NBAS: variants seen among roughly 807,000 people sequenced by gnomAD.
The protein encoded by NBAS is NBAS subunit of NRZ tethering complex.
In NBAS, 219 loss-of-function variants were observed where a neutral mutation model predicts 302.5. The ratio of observed to expected loss-of-function variants is 0.72; its 90% CI spans 0.65 to 0.81. The LOEUF (loss-of-function observed/expected upper bound fraction) is 0.81, where lower values mean the gene tolerates loss of function less well. NBAS is among the 30% of genes least tolerant of loss of function. The pLI is 0.00. For missense variants in NBAS, 2,932 were observed against 2,841.6 expected (o/e 1.03, Z -0.72); for synonymous variants, 1,118 against 1,021.6 (o/e 1.09, Z -1.80).
At chr2:14,822,784 T>G in the NBAS span, among the ~76,000 whole-genome samples, 61 of 152,366 alleles carry the variant, frequency 4.0e-4, no homozygotes, top group African/African-American at 1.5e-3. Flanking sequence ...TTTGTTGTTG[T>G]TTGATATAAT....
the NBAS span, among the ~76,000 whole-genome samples, chr2:14,963,611 C>T: frequency 3.3e-5 from 5 of 152,184 alleles, no homozygotes; most frequent in African/African-American, 1.2e-4. Context: ...GATGCTCACA[C>T]GACCAGCACC....
intron 35 of NBAS, among the ~76,000 whole-genome samples, chr2:15,331,875 G>A (rs1420660518): frequency 6.6e-6 from 1 of 152,170 alleles, no homozygotes; most frequent in Non-Finnish European, 1.5e-5. Flanking sequence ...ACCTCGAAGT[G>A]AGGAGATTAT....
At chr2:15,064,214 G>GA in the NBAS span, among the ~76,000 whole-genome samples, 21 of 142,380 alleles carry the variant, frequency 1.5e-4, no homozygotes, top group African/African-American at 5.7e-4. Context: ...AAAAACAATA[G>GA]AAAAAATTAA....
At chr2:14,791,976 C>T in the NBAS span, among the ~76,000 whole-genome samples, 8 of 151,982 alleles carry the variant, frequency 5.3e-5, no homozygotes, top group African/African-American at 1.9e-4. Context: ...CTACAGAAAC[C>T]TAATTTAGAG....
intron 44 of NBAS, among the ~76,000 whole-genome samples, chr2:15,252,609 G>A (rs1668415930): frequency 6.6e-6 from 1 of 151,982 alleles, no homozygotes; most frequent in African/African-American, 2.4e-5. Flanking sequence ...GAAAAATCCA[G>A]GTGCTACCTA....
chr2:15,553,976 G>A (rs1428673851), intron 4 of NBAS, 85 bp downstream of exon 4: 1 of 1,172,918 alleles, frequency 8.5e-7, no homozygotes, highest in Non-Finnish European at 1.3e-6. Context: ...AAGACTGAAA[G>A]CCACAAGCAT....
chr2:15,559,104 G>C (rs1664790876), intron 1 of NBAS, among the ~76,000 whole-genome samples: 1 of 148,746 alleles, frequency 6.7e-6, no homozygotes, highest in Admixed American at 6.8e-5. Context: ...ACAGGACGCG[G>C]GACAATAGGA....
chr2:15,398,084 G>T (rs1189120281), intron 26 of NBAS, among the ~76,000 whole-genome samples: 2 of 151,180 alleles, frequency 1.3e-5, no homozygotes, highest in African/African-American at 2.5e-5. Flanking sequence ...AACATACTCA[G>T]TCAGCCGTGT....
At chr2:15,232,628 C>T in intron 46 of NBAS, 117 bp from the exon 47 acceptor site, 1 of 832,070 alleles carries the variant, frequency 1.2e-6, no homozygotes, top group South Asian at 1.5e-5. Context: ...ACTGCCTGCC[C>T]ATAGTCATTT....
At chr2:14,839,664 G>A in the NBAS span, among the ~76,000 whole-genome samples, 89 of 151,988 alleles carry the variant, frequency 5.9e-4, no homozygotes, top group Middle Eastern at 3.4e-3. Flanking sequence ...CAGGTGGCAC[G>A]TCAATTCATT....
At position 15,179,172 on chromosome 2, in the gene NBAS, C is replaced by A. The variant is rs148775196; in HGVS notation, c.6712-56G>T. The A allele has an allele frequency of 3.5e-4, 557 of 1,612,346 alleles. No homozygotes were observed. The African/African-American group carries it at 5.3e-3, about 15-fold the overall frequency. ...CTCCACGACGTACTTCTCACCGGCA[C>A]GGTTCTGGCTGGATCATTCCACCCC... On this transcript the variant is annotated intron_variant, in intron 50 of 51. Transcript: ENST00000281513.
chr2:15,406,288 A>G (rs1676411970), intron 25 of NBAS, among the ~76,000 whole-genome samples: 1 of 152,146 alleles, frequency 6.6e-6, no homozygotes, highest in Non-Finnish European at 1.5e-5. Flanking sequence ...AAATTTAGGT[A>G]TATGACAAAG....
chr2:15,053,257 C>T, the NBAS span, among the ~76,000 whole-genome samples: 1 of 152,160 alleles, frequency 6.6e-6, no homozygotes, highest in Non-Finnish European at 1.5e-5. Flanking sequence ...AACAAATGAT[C>T]TGATAAAATC....
intron 40 of NBAS, among the ~76,000 whole-genome samples, chr2:15,307,971 T>A (rs1671103276): frequency 6.6e-6 from 1 of 152,144 alleles, no homozygotes. Flanking sequence ...TAAAATTAAG[T>A]AAATGAGTAA....
chr2:15,260,996 C>T (rs191809297), intron 44 of NBAS, among the ~76,000 whole-genome samples: 158 of 152,252 alleles, frequency 1.0e-3, no homozygotes, highest in African/African-American at 3.6e-3. Context: ...ATTACAGGAC[C>T]CACTAGTGAG....
At chr2:15,386,599 A>T (rs1675310378) in intron 28 of NBAS, among the ~76,000 whole-genome samples, 1 of 151,948 alleles carries the variant, frequency 6.6e-6, no homozygotes, top group Admixed American at 6.6e-5. Context: ...CAAATCCATA[A>T]CTCCAGTTCG....
downstream of NBAS, among the ~76,000 whole-genome samples, chr2:15,164,732 T>G (rs117588899): frequency 2.2e-4 from 34 of 152,314 alleles, no homozygotes; most frequent in East Asian, 2.7e-3. Flanking sequence ...TGGTTAACAT[T>G]CTCAATACCA....
At chr2:15,099,307 C>A in the NBAS span, among the ~76,000 whole-genome samples, 1 of 151,738 alleles carries the variant, frequency 6.6e-6, no homozygotes, top group Admixed American at 6.6e-5. Flanking sequence ...TCCCCGCCGA[C>A]CCCCAAAAAA....
intron 47 of NBAS, among the ~76,000 whole-genome samples, chr2:15,222,165 T>A (rs1466628145): frequency 6.6e-6 from 1 of 152,236 alleles, no homozygotes; most frequent in Non-Finnish European, 1.5e-5. Context: ...TAAGGATATC[T>A]GATCTTTTTT....
Sources: gnomAD v4.1 joint callset for allele counts (sites outside exome capture counted in the v4.1 genomes callset) on GRCh38, gnomAD v4.1.1 for gene constraint, MANE v1.5 for transcripts, NCBI Gene and HGNC (gene_info 2026-07-23, HGNC 2026-07-21) for gene names.